Variants in TTLL5 observed in about 807,000 individuals in gnomAD.
TTLL5 encodes tubulin tyrosine ligase like 5.
In TTLL5, 132 loss-of-function variants were observed where a neutral mutation model predicts 168.4. That is an observed-to-expected ratio of 0.78 (90% CI 0.68 to 0.91). The LOEUF (loss-of-function observed/expected upper bound fraction) is 0.91. Among genes scored for constraint, TTLL5 ranks in the 40% least tolerant of loss-of-function variants. The pLI, the probability that TTLL5 is intolerant of heterozygous loss-of-function variation, is 0.00. For missense variants in TTLL5, 1,545 were observed against 1,581.5 expected, an observed-to-expected ratio of 0.98 and a Z score of 0.39; for synonymous variants, 546 against 558.6, an observed-to-expected ratio of 0.98 and a Z score of 0.32.
At chr14:75,894,620 A>G (rs1485715013) in intron 30 of TTLL5, among the ~76,000 whole-genome samples, 1 of 152,180 alleles carries the variant, frequency 6.6e-6, no homozygotes, top group Admixed American at 6.5e-5. Flanking sequence ...AATGAGTCCA[A>G]ATATACAAGT....
intron 18 of TTLL5, among the ~76,000 whole-genome samples, chr14:75,763,253 C>CTGTGTGTGTGTGTGTGTGTGTGTGTG (rs202149877): frequency 7.6e-5 from 11 of 145,398 alleles, no homozygotes; most frequent in African/African-American, 2.8e-4. Flanking sequence ...ATAGCTCTCT[C>CTGTGTGTGTGTGTGTGTGTGTGTGTG]TCTGTGTGTG....
At chr14:75,754,239 C>G (rs1260519618) in intron 18 of TTLL5, among the ~76,000 whole-genome samples, 1 of 152,096 alleles carries the variant, frequency 6.6e-6, no homozygotes, top group Admixed American at 6.5e-5. Context: ...TTTAGTATTT[C>G]ATGGATGTAA....
At chr14:75,815,703 A>G (rs1168139390) in intron 27 of TTLL5, among the ~76,000 whole-genome samples, 6 of 152,200 alleles carry the variant, frequency 3.9e-5, no homozygotes, top group Non-Finnish European at 5.9e-5. Context: ...GATATTTTAA[A>G]AATCTCTAAT....
intron 28 of TTLL5, among the ~76,000 whole-genome samples, chr14:75,849,418 T>C (rs1418489216): frequency 6.6e-6 from 1 of 152,250 alleles, no homozygotes; most frequent in Non-Finnish European, 1.5e-5. Flanking sequence ...ATGTTTCTGG[T>C]GCTTGTGATA....
chr14:75,837,861 G>A (rs1005144704), intron 28 of TTLL5, among the ~76,000 whole-genome samples: 3 of 151,648 alleles, frequency 2.0e-5, no homozygotes, highest in African/African-American at 7.3e-5. Context: ...GTGTATGGGA[G>A]TGTGTGTGTG....
chr14:75,791,783 GATC>G (rs1188209802), intron 26 of TTLL5, among the ~76,000 whole-genome samples: 6 of 152,124 alleles, frequency 3.9e-5, no homozygotes, highest in Non-Finnish European at 7.3e-5. Flanking sequence ...TATGCAGAAT[GATC>G]ATTGTTATAT....
At chr14:75,839,607 A>G (rs1011926940) in intron 28 of TTLL5, among the ~76,000 whole-genome samples, 2 of 152,212 alleles carry the variant, frequency 1.3e-5, no homozygotes, top group African/African-American at 4.8e-5. Flanking sequence ...CAAAACCATC[A>G]GATCTCGTGA....
At chr14:75,743,722 C>T (rs1428661347) in intron 15 of TTLL5, among the ~76,000 whole-genome samples, 2 of 151,682 alleles carry the variant, frequency 1.3e-5, no homozygotes, top group Non-Finnish European at 2.9e-5. Flanking sequence ...GCTGGGACTA[C>T]AGGTGCCCGC....
chr14:75,768,935 T>C (rs1289941985), intron 20 of TTLL5, among the ~76,000 whole-genome samples: 1 of 152,188 alleles, frequency 6.6e-6, no homozygotes, highest in Non-Finnish European at 1.5e-5. Context: ...CGTGTGGTCA[T>C]AGACAAGTCA....
At chr14:75,898,837 A>G (rs1000702438) in intron 30 of TTLL5, among the ~76,000 whole-genome samples, 4 of 152,192 alleles carry the variant, frequency 2.6e-5, no homozygotes, top group African/African-American at 9.7e-5. Flanking sequence ...AGGGATCTTA[A>G]GAATAATTTT....
At chr14:75,915,463 G>C (rs1292783646) in intron 31 of TTLL5, among the ~76,000 whole-genome samples, 1 of 152,170 alleles carries the variant, frequency 6.6e-6, no homozygotes, top group African/African-American at 2.4e-5. Flanking sequence ...CCTAAGTTTT[G>C]TAAGAATTCC....
intron 30 of TTLL5, among the ~76,000 whole-genome samples, chr14:75,892,491 G>A (rs2032448497): frequency 6.6e-6 from 1 of 152,180 alleles, no homozygotes; most frequent in South Asian, 2.1e-4. Flanking sequence ...ACCTGGGACA[G>A]TTTCCCCCCC....
rs1410598298 is a variant in TTLL5 at position 75,882,757 on chromosome 14, T to G, written c.3595T>G (p.Ser1199Ala). 6.2e-6 allele frequency: 10 copies of G among 1,613,952 alleles called. No homozygotes were observed. Among genetic ancestry groups the G allele is most frequent in the Non-Finnish European group, 7.6e-6 (9 of 1,180,006 alleles). The change falls in exon 30 of 32, where the codon TCC (serine) becomes GCC (alanine). Residue 1199 changes from serine (S) to alanine (A), a missense_variant. Transcript: ENST00000298832. The stretch of plus-strand genomic sequence containing the variant: ...GAATAATGGTGCAGGTTGTAGAATT[T>G]CCAGTGCCACAGCTAGTGGCCAGAA... ...TMNNGAGCRI[S>A]SATASGQKPT...
intron 5 of TTLL5, among the ~76,000 whole-genome samples, chr14:75,687,114 C>T (rs1885118346): frequency 6.6e-6 from 1 of 151,716 alleles, no homozygotes; most frequent in African/African-American, 2.4e-5. Context: ...TTTTAAAAAC[C>T]CATTTGAAAT....
chr14:75,716,931 C>T (rs1887508831), intron 9 of TTLL5, among the ~76,000 whole-genome samples: 1 of 152,186 alleles, frequency 6.6e-6, no homozygotes, highest in South Asian at 2.1e-4. Context: ...GACTAAGTCT[C>T]TTGCACTGTG....
intron 29 of TTLL5, among the ~76,000 whole-genome samples, chr14:75,871,864 A>C (rs2031063510): frequency 6.6e-6 from 1 of 152,252 alleles, no homozygotes; most frequent in Admixed American, 6.5e-5. Flanking sequence ...GGCCAAACAA[A>C]ACAAATTATA....
intron 31 of TTLL5, among the ~76,000 whole-genome samples, chr14:75,935,213 G>A (rs147737589): frequency 6.6e-6 from 1 of 152,254 alleles, no homozygotes; most frequent in East Asian, 1.9e-4. Context: ...AGTCTATGTG[G>A]CAAAGCTGTC....
At chr14:75,714,509 G>A (rs2030037881) in intron 9 of TTLL5, among the ~76,000 whole-genome samples, 1 of 152,024 alleles carries the variant, frequency 6.6e-6, no homozygotes, top group Non-Finnish European at 1.5e-5. Flanking sequence ...TTTCTGTGAG[G>A]AAGAGCTTTA....
chr14:75,925,611 C>A (rs888904079), intron 31 of TTLL5, among the ~76,000 whole-genome samples: 1 of 151,916 alleles, frequency 6.6e-6, no homozygotes, highest in African/African-American at 2.4e-5. Flanking sequence ...AGACGATGGG[C>A]GGCCAGGCAG....
Sources: gnomAD v4.1 joint callset for allele counts (sites outside exome capture counted in the v4.1 genomes callset) on GRCh38, gnomAD v4.1.1 for gene constraint, MANE v1.5 for transcripts, NCBI Gene and HGNC (gene_info 2026-07-23, HGNC 2026-07-21) for gene names.